The following ESPL1 variants were observed in gnomAD, a reference collection of about 807,000 sequenced individuals.
The protein encoded by ESPL1 is extra spindle pole bodies like 1, separase.
A neutral mutation model predicts 217.2 loss-of-function variants in ESPL1; 50 were observed. That is an observed-to-expected ratio of 0.23 (90% CI 0.18 to 0.29). ESPL1 has a LOEUF of 0.29. ESPL1 is among the 10% of genes least tolerant of loss of function. The pLI is 1.00. For missense variants in ESPL1, 1,834 were observed against 2,603.0 expected (o/e 0.70, Z 6.43); for synonymous variants, 994 against 1,081.3 (o/e 0.92, Z 1.58).
At chr12:53,288,799 G>T (rs1374826839) in intron 20 of ESPL1, 100 bp downstream of exon 20, 2 of 1,144,338 alleles carry the variant, frequency 1.7e-6, no homozygotes. Flanking sequence ...TCTGGATCCA[G>T]TAGCCTCTGA....
chr12:53,277,387 C>G, intron 9 of ESPL1, 83 bp from the exon 10 acceptor site: 2 of 1,526,260 alleles, frequency 1.3e-6, no homozygotes, highest in Non-Finnish European at 1.8e-6. Flanking sequence ...CTCCAACAAT[C>G]CTCCCACCTC....
chr12:53,274,924 C>G lies in ESPL1; in HGVS notation c.1614C>G (p.Ser538Arg). 1 of 1,607,950 alleles carries G rather than the reference C, an allele frequency of 6.2e-7. No homozygotes were observed. The highest frequency in any genetic ancestry group is 8.5e-7 in the Non-Finnish European group (1 of 1,177,318). ...GGCTGGCAGCCCTGCAACCCTGTAG[C>G]CCTGAACACATGGCTGAGCCAGTCA... ...ILWLAALQPC[S>R]PEHMAEPVTF... is the part of the protein sequence containing the mutation. Residue 538 changes from serine (S) to arginine (R), a missense_variant, in exon 7 of 31, where the codon AGC becomes AGG. Around this residue, in one of 5 missense-constraint regions of ESPL1, gnomAD observed 746 missense variants for 1,077.0 expected, o/e 0.69. Coordinates refer to ENST00000257934, the MANE Select transcript of ESPL1 (RefSeq NM_012291.5).
chr12:53,268,613 G>A (rs529020965), intron 1 of ESPL1, 142 bp from the exon 2 acceptor site: 1 of 606,860 alleles, frequency 1.6e-6, no homozygotes, highest in South Asian at 2.0e-5. Context: ...TTTATAACGG[G>A]AGCACGGCGT....
At position 53,283,501 on chromosome 12, in the gene ESPL1, G is replaced by T; in HGVS notation, c.3040G>T (p.Ala1014Ser). The change falls in exon 16 of 31, where the codon GCC becomes TCC. Residue 1014 changes from alanine to serine, a missense_variant. Ala to Ser is a moderately conservative substitution (Grantham distance 99). Coordinates refer to ENST00000257934, the MANE Select transcript of ESPL1 (RefSeq NM_012291.5). ...TGAAGCCAAGGCCTTTTGCTTGGAG[G>T]CCCTAAAACTTACAACAAAGCTGCA... ...VSEAKAFCLEALKLTTKLQIP... is the reference protein window; with the variant it reads ...VSEAKAFCLESLKLTTKLQIP... The T allele has an allele frequency of 6.2e-7, 1 of 1,614,184 alleles. No homozygotes were observed. The highest frequency in any genetic ancestry group is 8.5e-7 in the Non-Finnish European group (1 of 1,180,032).
At chr12:53,289,913 C>T (rs184416542) in intron 22 of ESPL1, 172 bp from the exon 23 acceptor site, 1 of 673,432 alleles carries the variant, frequency 1.5e-6, no homozygotes, top group Admixed American at 2.9e-5. Context: ...AAGTACAAGT[C>T]ATGGTCTCTG....
In ESPL1 at chr12:53,286,659, C is replaced by T. The variant is rs752683083; in HGVS notation, c.3923C>T (p.Ser1308Phe). 4 of 1,614,174 alleles carry T rather than the reference C, an allele frequency of 2.5e-6. No individual in the cohort carries two copies. Among genetic ancestry groups the T allele is most frequent in the East Asian group, 4.5e-5 (2 of 44,880 alleles). Reference protein sequence around the residue: ...LIKSVPGSEPSKTQGQKRSGR... With the variant: ...LIKSVPGSEPFKTQGQKRSGR... ...AAAAGTGTCCCTGGCTCAGAGCCCT[C>T]TAAGACTCAGGGCCAAAAACGTTCT... Residue 1308 changes from serine (S) to phenylalanine (F), a missense_variant, in exon 18 of 31, where the codon TCT (serine) becomes TTT (phenylalanine). Around this residue, in one of 5 missense-constraint regions of ESPL1, gnomAD observed 681 missense variants for 808.0 expected, o/e 0.84. Coordinates refer to ENST00000257934, the MANE Select transcript of ESPL1 (RefSeq NM_012291.5). The surrounding 1 kb of genome is among the most constrained non-coding windows in gnomAD (Gnocchi z 5.3).
chr12:53,288,220 T>A lies in ESPL1; in HGVS notation c.4425T>A (p.Ser1475Arg). The A allele has an allele frequency of 6.2e-7, 1 of 1,610,754 alleles. No individual in the cohort carries two copies. ...AGGAGCGGCGTCCCCAGAGGGCCAGTGACCAGGCCAGGCCTGGCCCTGAGA... is the reference window on the plus strand; with the variant it reads ...AGGAGCGGCGTCCCCAGAGGGCCAGAGACCAGGCCAGGCCTGGCCCTGAGA... The part of the protein sequence containing the change: ...HCEERRPQRA[S>R]DQARPGPEIM... The change falls in exon 19 of 31, where the codon AGT becomes AGA. Residue 1475 changes from serine to arginine, a missense_variant. Ser to Arg is a moderately radical substitution (Grantham distance 110, BLOSUM62 -1). Transcript: ENST00000257934.
Position 53,276,628 on chromosome 12 carries a change from G to C in ESPL1, c.1709G>C (p.Arg570Pro). The change falls in exon 8 of 31, where the codon CGA becomes CCA. Residue 570 changes from arginine to proline, a missense_variant. Physicochemically the swap from Arg to Pro is moderately radical, Grantham distance 103. This residue lies in a region of ESPL1 where 746 missense variants were observed against 1,077.0 expected (regional missense o/e 0.69). Transcript: ENST00000257934. ...GDKELQLKTL[R>P]DSLSGWDPET... ...AGCATGCCCTCTCTCAGGACTCTGC[G>C]AGACAGCCTCAGTGGCTGGGACCCG... 6.2e-7 allele frequency: 1 copy of C among 1,610,876 alleles called. No individual in the cohort carries two copies. Among genetic ancestry groups the C allele is most frequent in the Non-Finnish European group, 8.5e-7 (1 of 1,179,036 alleles).
chr12:53,273,040 T>C (rs1459091315), intron 6 of ESPL1, among the ~76,000 whole-genome samples, 183 bp downstream of exon 6: 1 of 149,590 alleles, frequency 6.7e-6, no homozygotes, highest in East Asian at 2.0e-4. Flanking sequence ...CTCATTTTTT[T>C]TTTTTTTTTT....
Position 53,293,339 on chromosome 12 carries a change from G to A in ESPL1, c.6228G>A (p.Leu2076=). The stretch of plus-strand genomic sequence containing the variant: ...ACATTGACCGCTACACGGAAGCTCT[G>A]CTGCAAGGCTGGCTTGGAGCAGGCC... ...DRDIDRYTEA[L]LQGWLGAGPG... The change falls in exon 31 of 31, where the codon CTG becomes CTA. Residue 2076 remains leucine, a synonymous_variant. Coordinates refer to ENST00000257934, the MANE Select transcript of ESPL1 (RefSeq NM_012291.5). The surrounding 1 kb of genome is among the most constrained non-coding windows in gnomAD (Gnocchi z 4.2). 1 of 1,614,172 alleles carries A rather than the reference G, an allele frequency of 6.2e-7. No homozygotes were observed. Among genetic ancestry groups the A allele is most frequent in the Non-Finnish European group, 8.5e-7 (1 of 1,180,034 alleles).
intron 5 of ESPL1, among the ~76,000 whole-genome samples, chr12:53,272,369 G>T (rs1171840309): frequency 2.0e-5 from 3 of 152,134 alleles, no homozygotes; most frequent in Non-Finnish European, 4.4e-5. Context: ...AGGTGGTCAG[G>T]GTAGACCTCA....
chr12:53,269,927 C>T lies in ESPL1; in HGVS notation c.985C>T (p.Pro329Ser), dbSNP rs552222287. ...TGTCCTGAGCAAGAGTATGGAGGCACCATCACCCCCACTTCGGGCATTGTA... is the reference window on the plus strand; with the variant it reads ...TGTCCTGAGCAAGAGTATGGAGGCATCATCACCCCCACTTCGGGCATTGTA... ...SAVLSKSMEA[P>S]SPPLRALYES... is the part of the protein sequence containing the mutation. Residue 329 changes from proline (P) to serine (S), a missense_variant, in exon 3 of 31, where the codon CCA becomes TCA. Pro to Ser is a moderately conservative substitution (Grantham distance 74). Transcript: ENST00000257934. The surrounding 1 kb of genome is among the most constrained non-coding windows in gnomAD (Gnocchi z 6.7). 3.1e-6 allele frequency: 5 copies of T among 1,614,194 alleles called. No individual in the cohort carries two copies. The highest frequency in any genetic ancestry group is 4.2e-6 in the Non-Finnish European group (5 of 1,180,030).
chr12:53,288,681 T>G lies in ESPL1; in HGVS notation c.4690T>G (p.Ser1564Ala). Residue 1564 changes from serine (S) to alanine (A), a missense_variant, in exon 20 of 31, where the codon TCA becomes GCA. By Grantham distance (99) the Ser-to-Ala change is moderately conservative. Around this residue, in one of 5 missense-constraint regions of ESPL1, gnomAD observed 681 missense variants for 808.0 expected, o/e 0.84. Coordinates refer to ENST00000257934, the MANE Select transcript of ESPL1 (RefSeq NM_012291.5). ...CCTTGGTCCTCGGCTCCGGCTCCCCTCAGCCCCCGTAGCCACTGGTGAATA... is the reference window on the plus strand; with the variant it reads ...CCTTGGTCCTCGGCTCCGGCTCCCCGCAGCCCCCGTAGCCACTGGTGAATA... ...KDLGPRLRLP[S>A]APVATGLSTL... 6.2e-7 allele frequency: 1 copy of G among 1,612,868 alleles called. No individual in the cohort carries two copies. Among genetic ancestry groups the G allele is most frequent in the Non-Finnish European group, 8.5e-7 (1 of 1,179,700 alleles).
Position 53,286,215 on chromosome 12 carries a change from G to C in ESPL1, c.3479G>C (p.Cys1160Ser). Residue 1160 changes from cysteine (C) to serine (S), a missense_variant, in exon 18 of 31, where the codon TGT becomes TCT. Cys to Ser is a moderately radical substitution (Grantham distance 112). This residue lies in a region of ESPL1 where 681 missense variants were observed against 808.0 expected (regional missense o/e 0.84). Transcript: ENST00000257934. The surrounding 1 kb of genome is among the most constrained non-coding windows in gnomAD (Gnocchi z 5.3). ...LCASPVLTAVCLRWVLVTAGV... is the reference protein window; with the variant it reads ...LCASPVLTAVSLRWVLVTAGV... ...GCCAGCCCTGTCCTCACAGCAGTCT[G>C]TCTGCGCTGGGTATTGGTCACGGCA... is the stretch of plus-strand genomic sequence containing the variant. 1 of 1,614,264 alleles carries C rather than the reference G, an allele frequency of 6.2e-7. No homozygotes were observed. The highest frequency in any genetic ancestry group is 8.5e-7 in the Non-Finnish European group (1 of 1,180,052).
At position 53,268,375 on chromosome 12, in the gene ESPL1, G is replaced by A. The variant is rs991686608; in HGVS notation, c.-15G>A. ...CCTAGGAAAGAGGGCGAGCTCTGGG[G>A]CGGTAAGGCCGGAAGGGACTCGTGA... On this transcript the variant is annotated splice_region_variant and 5_prime_UTR_variant, in exon 1 of 31. Coordinates refer to ENST00000257934, the MANE Select transcript of ESPL1 (RefSeq NM_012291.5). The A allele has an allele frequency of 9.7e-6, 2 of 205,860 alleles. No homozygotes were observed. Among genetic ancestry groups the A allele is most frequent in the Admixed American group, 1.1e-4 (2 of 18,666 alleles). The allele number at this position is 205,860 out of a possible 1,614,324, so 12.8% of individuals were successfully genotyped here. A position where few individuals can be genotyped will look rare whatever the true frequency, so the allele number is the denominator to read the frequency against.
In ESPL1 at chr12:53,288,269, G is replaced by C; in HGVS notation, c.4474G>C (p.Glu1492Gln). ...GATCATGAGGACCATCCCTGAGGAA[G>C]AACTGACTGACAACTGGAGAAAAAT... Reference protein sequence around the residue: ...PEIMRTIPEEELTDNWRKMSF... With the variant: ...PEIMRTIPEEQLTDNWRKMSF... Residue 1492 changes from glutamate to glutamine, a missense_variant, in exon 19 of 31, where the codon GAA becomes CAA. Transcript: ENST00000257934. The C allele has an allele frequency of 6.2e-7, 1 of 1,607,040 alleles. No homozygotes were observed. Among genetic ancestry groups the C allele is most frequent in the Non-Finnish European group, 8.5e-7 (1 of 1,177,374 alleles).
At position 53,290,357 on chromosome 12, in the gene ESPL1, G is replaced by A. The variant is rs749890420; in HGVS notation, c.5252G>A (p.Arg1751His). 30 of 1,612,988 alleles carry A rather than the reference G, an allele frequency of 1.9e-5. No individual in the cohort carries two copies. The highest frequency in any genetic ancestry group is 2.3e-5 in the Non-Finnish European group (27 of 1,180,012). The change falls in exon 24 of 31, where the codon CGT (arginine) becomes CAT (histidine). Residue 1751 changes from arginine (R) to histidine (H), a missense_variant. Coordinates refer to ENST00000257934, the MANE Select transcript of ESPL1 (RefSeq NM_012291.5). Reference protein sequence around the residue: ...IPTGQNKLHLRSVLNEFDAIQ... With the variant: ...IPTGQNKLHLHSVLNEFDAIQ... Reference sequence around the variant, plus strand: ...CCCCATCTCCCAAAGCTTCATCTGCGTTCAGTCCTGAATGAGTTTGATGCC... The same window carrying A: ...CCCCATCTCCCAAAGCTTCATCTGCATTCAGTCCTGAATGAGTTTGATGCC...
At position 53,292,140 on chromosome 12, in the gene ESPL1, C is replaced by T. The variant is rs753766008; in HGVS notation, c.5796+52C>T. 2.0e-6 allele frequency: 3 copies of T among 1,504,604 alleles called. No homozygotes were observed. The highest frequency in any genetic ancestry group is 1.9e-6 in the Non-Finnish European group (2 of 1,080,520). The allele number at this position is 1,504,604 out of a possible 1,614,324, so 93.2% of individuals were successfully genotyped here. A position where few individuals can be genotyped will look rare whatever the true frequency, so the allele number is the denominator to read the frequency against. ...GATGACTGGCGACTGGGGAAGACGT[C>T]AACAAAGAAGGGCAGAGAAACCTGA... On this transcript the variant is annotated intron_variant, in intron 27 of 30. Transcript: ENST00000257934. This position sits in a 1 kb window ranked among gnomAD's most constrained non-coding sequence, Gnocchi z 4.5.
intron 5 of ESPL1, 53 bp downstream of exon 5, chr12:53,270,851 A>G: frequency 6.2e-7 from 1 of 1,604,556 alleles, no homozygotes; most frequent in Non-Finnish European, 8.5e-7. Context: ...ATCACCCATT[A>G]GGCAGGTGAA....
Sources: gnomAD v4.1 joint callset for allele counts (sites outside exome capture counted in the v4.1 genomes callset) on GRCh38, gnomAD v4.1.1 for gene constraint, gnomAD v4.1.1 regional missense constraint, Gnocchi (gnomAD v3.1) non-coding constraint, MANE v1.5 for transcripts, NCBI Gene and HGNC (gene_info 2026-07-23, HGNC 2026-07-21) for gene names.